Variants in ATR observed in about 807,000 individuals in gnomAD.
ATR encodes serine/threonine-protein kinase ATR.
ATR carries 142 observed loss-of-function variants against 305.3 expected under a neutral mutation model. That is an observed-to-expected ratio of 0.47 (90% CI 0.41 to 0.53). ATR has a LOEUF of 0.53. ATR is among the 20% of genes least tolerant of loss of function. ATR has a pLI of 0.00. For missense variants in ATR, 2,135 were observed against 3,133.1 expected, an observed-to-expected ratio of 0.68 and a Z score of 7.60; for synonymous variants, 1,050 against 1,068.1, an observed-to-expected ratio of 0.98 and a Z score of 0.33.
intron 13 of ATR, among the ~76,000 whole-genome samples, chr3:142,550,677 C>T (rs76265277): frequency 0.018 from 2,722 of 152,214 alleles, 28 homozygotes; most frequent in South Asian, 0.041. Flanking sequence ...AAGATGATTT[C>T]CTTCCTCCCT....
chr3:142,572,038 T>A (rs2035282406), intron 1 of ATR, among the ~76,000 whole-genome samples: 1 of 151,724 alleles, frequency 6.6e-6, no homozygotes, highest in Admixed American at 6.6e-5. Flanking sequence ...AGTGCTGAGA[T>A]TACAGGCGTG....
At chr3:142,529,565 T>G (rs1208640925) in intron 21 of ATR, among the ~76,000 whole-genome samples, 1 of 152,182 alleles carries the variant, frequency 6.6e-6, no homozygotes, top group African/African-American at 2.4e-5. Context: ...CAGTCATCTC[T>G]TGACTTAATG....
At chr3:142,484,002 AT>A (rs1435386019) in intron 36 of ATR, among the ~76,000 whole-genome samples, 1 of 152,058 alleles carries the variant, frequency 6.6e-6, no homozygotes, top group Non-Finnish European at 1.5e-5. Flanking sequence ...TTTTTTAAAA[AT>A]CCAGGCTGTG....
In ATR at chr3:142,555,945, AGTTGAGAAGATGAACATTCAT is replaced by A. The variant is rs1390641815; in HGVS notation, c.2252_2272del (p.His751_Gln757del). 6 of 1,613,188 alleles carry A rather than the reference AGTTGAGAAGATGAACATTCAT, an allele frequency of 3.7e-6. No homozygotes were observed. The highest frequency in any genetic ancestry group is 5.1e-6 in the Non-Finnish European group (6 of 1,179,748). ...GAATGGCTTGCAGACAGAAGCTTTTAGTTGAGAAGATGAACATTCATGTTGAGAAGTGGCTTTCAAGTTCCT... is the reference window on the plus strand; with the variant it reads ...GAATGGCTTGCAGACAGAAGCTTTTAGTTGAGAAGTGGCTTTCAAGTTCCT... On this transcript the variant is annotated inframe_deletion, in exon 10 of 47. Transcript: ENST00000350721.
intron 21 of ATR, among the ~76,000 whole-genome samples, chr3:142,528,877 A>ATTTTTTTTTTTTTTTT (rs201313146): frequency 4.2e-5 from 2 of 47,712 alleles, no homozygotes; most frequent in Admixed American, 2.7e-4. Flanking sequence ...ATATATATAT[A>ATTTTTTTTTTTTTTTT]TATTTTTTTT....
chr3:142,555,437 T>C (rs1003777479), intron 10 of ATR, among the ~76,000 whole-genome samples: 4 of 152,112 alleles, frequency 2.6e-5, no homozygotes, highest in African/African-American at 7.2e-5. Flanking sequence ...TCATACTTCA[T>C]AAAAATTTAT....
At chr3:142,451,156 TG>T (rs2070781283) in intron 46 of ATR, 1 of 1,219,066 alleles carries the variant, frequency 8.2e-7, no homozygotes, top group South Asian at 1.6e-5. Flanking sequence ...TCACATCCAC[TG>T]AGGAATCTTC....
chr3:142,560,105 C>G (rs1246633704), intron 6 of ATR, among the ~76,000 whole-genome samples, 158 bp downstream of exon 6: 2 of 152,092 alleles, frequency 1.3e-5, no homozygotes, highest in Non-Finnish European at 2.9e-5. Context: ...TGCTTAGCAC[C>G]GTACCTAGCA....
intron 21 of ATR, among the ~76,000 whole-genome samples, chr3:142,529,342 T>C (rs1160937752): frequency 2.0e-5 from 3 of 152,194 alleles, no homozygotes; most frequent in African/African-American, 7.2e-5. Flanking sequence ...ATATTTTGAC[T>C]TCCAGTTATT....
rs115723752 is a variant in ATR at position 142,549,039 on chromosome 3, A to C, written c.3171+440T>G. On this transcript the variant is annotated intron_variant, in intron 15 of 46. Coordinates refer to ENST00000350721, the MANE Select transcript of ATR (RefSeq NM_001184.4). ...TTGTTAATATGACACCAAAAAAAAG[A>C]AGCACAGGTTATAATTTTAAATGTA... Among the ~76,000 whole-genome samples the C allele has an allele frequency of 2.7e-3, 402 of 148,662 alleles. 3 individuals carry two copies. Among genetic ancestry groups the C allele is most frequent in the African/African-American group, 9.1e-3 (370 of 40,784 alleles).
At chr3:142,504,855 T>A (rs2032156896) in intron 29 of ATR, among the ~76,000 whole-genome samples, 1 of 152,126 alleles carries the variant, frequency 6.6e-6, no homozygotes, top group African/African-American at 2.4e-5. Context: ...TTCCAGACAC[T>A]CAGTGACACT....
At chr3:142,481,726 G>C (rs922926012) in intron 36 of ATR, among the ~76,000 whole-genome samples, 1 of 152,158 alleles carries the variant, frequency 6.6e-6, no homozygotes, top group Non-Finnish European at 1.5e-5. Flanking sequence ...CTGGGCTCAA[G>C]CAATCCTTCC....
intron 3 of ATR, among the ~76,000 whole-genome samples, chr3:142,563,772 T>G (rs1242261439): frequency 6.6e-6 from 1 of 152,214 alleles, no homozygotes; most frequent in African/African-American, 2.4e-5. Context: ...CCAAGACAAG[T>G]TGAAAGCTAG....
At chr3:142,486,449 C>T (rs1169241259) in intron 35 of ATR, among the ~76,000 whole-genome samples, 1 of 152,036 alleles carries the variant, frequency 6.6e-6, no homozygotes, top group Admixed American at 6.6e-5. Context: ...GTCTTCCTGC[C>T]TTCCTTTCTT....
rs2070969674 is a variant in ATR at position 142,459,112 on chromosome 3, C to T, written c.7350-1G>A. ...GCAGTAAGCTGATCTACTACTGTAC[C>T]TAAAAGAAACACAATGCCTATGAAA... On this transcript the variant is annotated splice_acceptor_variant, in intron 43 of 46. Coordinates refer to ENST00000350721, the MANE Select transcript of ATR (RefSeq NM_001184.4). LOFTEE classifies it high-confidence loss of function. The T allele has an allele frequency of 1.2e-6, 2 of 1,613,840 alleles. No homozygotes were observed. The highest frequency in any genetic ancestry group is 1.7e-6 in the Non-Finnish European group (2 of 1,179,834).
At position 142,578,655 on chromosome 3, in the gene ATR, T is replaced by G. The variant is rs779742866; in HGVS notation, c.50A>C (p.Glu17Ala). The change falls in exon 1 of 47, where the codon GAG (glutamate) becomes GCG (alanine). Residue 17 changes from glutamate (E) to alanine (A), a missense_variant. Physicochemically the swap from Glu to Ala is moderately radical, Grantham distance 107. Transcript: ENST00000350721. ...ELASMIPALR[E>A]LGSATPEEYN... ...CTGGGCCTAGCCCTACCTGCCCAGCTCCCGCAGGGCGGGGATCATGGAAGC... is the reference window on the plus strand; with the variant it reads ...CTGGGCCTAGCCCTACCTGCCCAGCGCCCGCAGGGCGGGGATCATGGAAGC... 1 of 1,612,702 alleles carries G rather than the reference T, an allele frequency of 6.2e-7. No homozygotes were observed. The highest frequency in any genetic ancestry group is 1.3e-5 in the African/African-American group (1 of 74,820).
At chr3:142,462,810 T>C (rs1284446993) in intron 41 of ATR, among the ~76,000 whole-genome samples, 1 of 152,138 alleles carries the variant, frequency 6.6e-6, no homozygotes, top group Non-Finnish European at 1.5e-5. Context: ...AGAGCATGAG[T>C]TCTATGACAT....
At chr3:142,533,609 G>A (rs940558864) in intron 21 of ATR, among the ~76,000 whole-genome samples, 2 of 152,164 alleles carry the variant, frequency 1.3e-5, no homozygotes, top group East Asian at 3.9e-4. Flanking sequence ...ACGTGTTTCT[G>A]GATCTTTATT....
intron 1 of ATR, 35 bp downstream of exon 1, chr3:142,578,611 G>A (rs892570897): frequency 7.5e-6 from 12 of 1,602,202 alleles, no homozygotes; most frequent in Non-Finnish European, 1.0e-5. Flanking sequence ...AATCAGCGGA[G>A]GAGGATGCAG....
Sources: allele counts gnomAD v4.1 joint callset (sites outside exome capture counted in the v4.1 genomes callset), GRCh38; gene constraint gnomAD v4.1.1; transcripts MANE v1.5; gene names NCBI Gene and HGNC (gene_info 2026-07-23, HGNC 2026-07-21).